Variants in FOLH1 observed in about 807,000 individuals in gnomAD.
FOLH1 encodes glutamate carboxypeptidase 2.
In FOLH1, 54 loss-of-function variants were observed where a neutral mutation model predicts 93.9. The ratio of observed to expected loss-of-function variants is 0.57; its 90% CI spans 0.46 to 0.72. FOLH1 has a LOEUF of 0.72. Among genes scored for constraint, FOLH1 ranks in the 30% least tolerant of loss-of-function variants. The pLI, the probability that FOLH1 is intolerant of heterozygous loss-of-function variation, is 0.00. For synonymous variants in FOLH1, 249 were observed against 303.6 expected, an observed-to-expected ratio of 0.82 and a Z score of 1.87; for missense variants, 571 against 892.5, an observed-to-expected ratio of 0.64 and a Z score of 4.59.
chr11:49,206,159 T>C lies in FOLH1; in HGVS notation c.132A>G (p.Lys44=). ...LLGFLFGWFI[K]SSNEATNITP... ...TAATGTTAGTAGCTTCATTGGAGGATTTTATAAACCACCCTGAAAAATACA... is the reference window on the plus strand; with the variant it reads ...TAATGTTAGTAGCTTCATTGGAGGACTTTATAAACCACCCTGAAAAATACA... Residue 44 remains lysine (K), a synonymous_variant, in exon 2 of 19, where the codon AAA becomes AAG. Coordinates refer to ENST00000256999, the MANE Select transcript of FOLH1 (RefSeq NM_004476.3). 1 of 1,611,792 alleles carries C rather than the reference T, an allele frequency of 6.2e-7. No homozygotes were observed. The highest frequency in any genetic ancestry group is 8.5e-7 in the Non-Finnish European group (1 of 1,178,996).
chr11:49,156,221 T>C (rs1393407108), intron 15 of FOLH1, among the ~76,000 whole-genome samples: 1 of 152,088 alleles, frequency 6.6e-6, no homozygotes, highest in Non-Finnish European at 1.5e-5. Flanking sequence ...CGGGTATGTC[T>C]TTATTAGGAG....
chr11:49,148,289 T>C (rs1312272305), intron 18 of FOLH1, among the ~76,000 whole-genome samples: 1 of 151,156 alleles, frequency 6.6e-6, no homozygotes, highest in African/African-American at 2.4e-5. Context: ...ATATTTAAAA[T>C]AGAAAAGGAG....
At chr11:49,167,801 A>C (rs1441399101) in intron 12 of FOLH1, among the ~76,000 whole-genome samples, 1 of 152,016 alleles carries the variant, frequency 6.6e-6, no homozygotes, top group Admixed American at 6.6e-5. Context: ...GCGGAGTGAG[A>C]CCCTGACTCA....
chr11:49,190,147 C>A (rs1006389630), intron 4 of FOLH1, among the ~76,000 whole-genome samples: 1 of 152,124 alleles, frequency 6.6e-6, no homozygotes, highest in Admixed American at 6.5e-5. Context: ...ACTTTCTTTA[C>A]CCTTAATATA....
chr11:49,185,688 T>C lies in FOLH1; in HGVS notation c.807A>G (p.Thr269=), dbSNP rs752584397. The change falls in exon 6 of 19, where the codon ACA becomes ACG. Residue 269 remains threonine (T), a synonymous_variant. Transcript: ENST00000256999. ...ATTCACCATTTGCTGGGTAACCTGGTGTGAGAGGGTCTCCTGCACCATTCA... is the reference window on the plus strand; with the variant it reads ...ATTCACCATTTGCTGGGTAACCTGGCGTGAGAGGGTCTCCTGCACCATTCA... ...LNLNGAGDPL[T]PGYPANEYAY... is the part of the protein sequence containing the mutation. The C allele has an allele frequency of 1.2e-6, 2 of 1,613,834 alleles. No individual in the cohort carries two copies. Among genetic ancestry groups the C allele is most frequent in the Non-Finnish European group, 1.7e-6 (2 of 1,179,814 alleles).
chr11:49,185,564 A>T (rs1273241888), intron 6 of FOLH1, 105 bp downstream of exon 6: 1 of 1,359,726 alleles, frequency 7.4e-7, no homozygotes, highest in Non-Finnish European at 1.0e-6. Context: ...AAATGCAAAG[A>T]GAATAAAAAA....
At chr11:49,162,857 C>T (rs1857875775) in intron 13 of FOLH1, 1 of 151,220 alleles carries the variant, frequency 6.6e-6, no homozygotes, top group Admixed American at 6.6e-5. Flanking sequence ...GGGGGGTCGA[C>T]TCCAATCGCT....
chr11:49,147,768 C>T (rs769664393), intron 18 of FOLH1, among the ~76,000 whole-genome samples: 11 of 152,032 alleles, frequency 7.2e-5, no homozygotes, highest in East Asian at 1.9e-4. Context: ...TACAAATGAA[C>T]GTACAAATAT....
intron 12 of FOLH1, among the ~76,000 whole-genome samples, chr11:49,167,160 T>C (rs1211570914): frequency 6.6e-6 from 1 of 152,256 alleles, no homozygotes; most frequent in African/African-American, 2.4e-5. Context: ...TATACATGTA[T>C]ATATTTCACC....
chr11:49,180,633 G>C (rs921126116), intron 7 of FOLH1, among the ~76,000 whole-genome samples: 4 of 152,234 alleles, frequency 2.6e-5, no homozygotes, highest in Admixed American at 2.6e-4. Flanking sequence ...AACCACTTGA[G>C]AGAACCTCAG....
At position 49,146,521 on chromosome 11, in the gene FOLH1, C is replaced by T. The variant is rs1465921415; in HGVS notation, c.*235G>A. 2 of 376,984 alleles carry T rather than the reference C, an allele frequency of 5.3e-6. No individual in the cohort carries two copies. Among genetic ancestry groups the T allele is most frequent in the Non-Finnish European group, 9.3e-6 (2 of 215,148 alleles). 23.4% of individuals were successfully genotyped at this position (376,984 alleles called of 1,614,324 possible). A position where few individuals can be genotyped will look rare whatever the true frequency, so the allele number is the denominator to read the frequency against. The stretch of plus-strand genomic sequence containing the variant: ...TAGGCCATTCTCCTTAGATTTAATA[C>T]TGAGTTAAATTTTTCCACTTCAGAA... On this transcript the variant is annotated 3_prime_UTR_variant, in exon 19 of 19. Transcript: ENST00000256999.
rs1858020472 is a variant in FOLH1 at position 49,163,662 on chromosome 11, T to G, written c.1440+1043A>C. On this transcript the variant is annotated intron_variant, in intron 13 of 18. Transcript: ENST00000256999. ...GCCCTTGAATTCAGCCTCTTTTTTA[T>G]GGGTATGTATGGGGGTCTAACCTCC... Among the ~76,000 whole-genome samples, 4 of 151,758 alleles carry G rather than the reference T, an allele frequency of 2.6e-5. No homozygotes were observed. In the South Asian group the frequency reaches 8.3e-4, roughly 32 times the overall value.
In FOLH1 at chr11:49,186,627, G is replaced by A. The variant is rs1427028107; in HGVS notation, c.639+17C>T. The A allele has an allele frequency of 6.2e-7, 1 of 1,606,538 alleles. No homozygotes were observed. The highest frequency in any genetic ancestry group is 8.5e-7 in the Non-Finnish European group (1 of 1,176,638). On this transcript the variant is annotated intron_variant, in intron 5 of 18. Transcript: ENST00000256999. The stretch of plus-strand genomic sequence containing the variant: ...TTACATTGGGGGAGAGAAAAAAAGA[G>A]ATAATTTTTACCTTACCTTATTTCC...
intron 3 of FOLH1, among the ~76,000 whole-genome samples, chr11:49,193,200 T>C (rs764234371): frequency 3.9e-5 from 6 of 152,076 alleles, no homozygotes; most frequent in Non-Finnish European, 7.4e-5. Flanking sequence ...GTAAGTACTA[T>C]AGAAAGAAAA....
chr11:49,146,924 G>T lies in FOLH1; in HGVS notation c.2085C>A (p.Ser695Arg). The T allele has an allele frequency of 1.2e-6, 2 of 1,612,168 alleles. No individual in the cohort carries two copies. Among genetic ancestry groups the T allele is most frequent in the Non-Finnish European group, 1.7e-6 (2 of 1,179,002 alleles). The change falls in exon 19 of 19, where the codon AGC becomes AGA. Residue 695 changes from serine to arginine, a missense_variant. By Grantham distance (110) the Ser-to-Arg change is moderately radical. Around this residue, in one of 2 missense-constraint regions of FOLH1, gnomAD observed 500 missense variants for 822.9 expected, o/e 0.61. Coordinates refer to ENST00000256999, the MANE Select transcript of FOLH1 (RefSeq NM_004476.3). ...ACTCCCCTGCATACTTGTTGTGGCTGCTTGGAGCATAGATGACATGCCTGT... is the reference window on the plus strand; with the variant it reads ...ACTCCCCTGCATACTTGTTGTGGCTTCTTGGAGCATAGATGACATGCCTGT... ...PFYRHVIYAP[S>R]SHNKYAGESF...
intron 4 of FOLH1, among the ~76,000 whole-genome samples, chr11:49,189,543 T>TA (rs1260600794): frequency 6.6e-6 from 1 of 152,226 alleles, no homozygotes; most frequent in Non-Finnish European, 1.5e-5. Context: ...TAAGTCTTAC[T>TA]AAACTCACCT....
At position 49,168,772 on chromosome 11, in the gene FOLH1, A is replaced by T. The variant is rs1337447733; in HGVS notation, c.1372+423T>A. On this transcript the variant is annotated intron_variant, in intron 12 of 18. Coordinates refer to ENST00000256999, the MANE Select transcript of FOLH1 (RefSeq NM_004476.3). ...AGGCGTGAGCCACCGCACCCCACAA[A>T]TGATACTTTTTTTCTACACCATTCT... Among the ~76,000 whole-genome samples the T allele has an allele frequency of 3.3e-5, 5 of 152,132 alleles. No individual in the cohort carries two copies. The East Asian group carries it at 9.6e-4, about 29-fold the overall frequency.
In FOLH1 at chr11:49,160,374, G is replaced by T. The variant is rs575368082; in HGVS notation, c.1441-2331C>A. On this transcript the variant is annotated intron_variant, in intron 13 of 18. Transcript: ENST00000256999. ...CTTTGTGTCTTTTGCTAGCTTTGGG[G>T]TTTGTTTGCTTTTGTTCTCTAGTAT... Among the ~76,000 whole-genome samples, 14 of 152,048 alleles carry T rather than the reference G, an allele frequency of 9.2e-5. No individual in the cohort carries two copies. In the South Asian group the frequency reaches 2.7e-3, roughly 29 times the overall value.
intron 3 of FOLH1, among the ~76,000 whole-genome samples, 160 bp downstream of exon 3, chr11:49,200,095 T>C (rs773053319): frequency 6.6e-6 from 1 of 152,096 alleles, no homozygotes; most frequent in Non-Finnish European, 1.5e-5. Flanking sequence ...CATAGGAAAG[T>C]AGTTGACACG....
Sources: gnomAD v4.1 joint callset for allele counts (sites outside exome capture counted in the v4.1 genomes callset) on GRCh38, gnomAD v4.1.1 for gene constraint, gnomAD v4.1.1 regional missense constraint, MANE v1.5 for transcripts, NCBI Gene and HGNC (gene_info 2026-07-23, HGNC 2026-07-21) for gene names.